Variants in MED13L observed in about 807,000 individuals in gnomAD.
MED13L encodes mediator of RNA polymerase II transcription subunit 13-like.
MED13L carries 7 observed loss-of-function variants against 220.9 expected under a neutral mutation model. The ratio of observed to expected loss-of-function variants is 0.03; its 90% CI spans 0.02 to 0.06. The LOEUF (loss-of-function observed/expected upper bound fraction) is 0.06. Ranked by LOEUF, MED13L falls within the 10% of genes least tolerant of loss-of-function variation. MED13L has a pLI of 1.00. For synonymous variants in MED13L, 1,011 were observed against 1,015.2 expected (o/e 1.00, Z 0.08); for missense variants, 1,965 against 2,760.5 (o/e 0.71, Z 6.46).
chr12:116,093,127 T>C (rs927194869), intron 4 of MED13L, among the ~76,000 whole-genome samples: 13 of 152,306 alleles, frequency 8.5e-5, no homozygotes, highest in Admixed American at 6.5e-4. Context: ...ACCTGCATGA[T>C]TGGAATAATT....
chr12:116,245,575 C>G (rs567398264), intron 1 of MED13L, among the ~76,000 whole-genome samples: 2 of 152,158 alleles, frequency 1.3e-5, no homozygotes, highest in East Asian at 3.9e-4. Context: ...AGAATATTCT[C>G]AACAAAATAA....
intron 2 of MED13L, among the ~76,000 whole-genome samples, chr12:116,137,377 T>C (rs1381609543): frequency 6.6e-6 from 1 of 152,196 alleles, no homozygotes; most frequent in Middle Eastern, 3.2e-3. Context: ...ATCTCCACTT[T>C]ACAGATATAG....
chr12:116,224,677 ATTGTT>A (rs1034804589), intron 2 of MED13L, among the ~76,000 whole-genome samples: 2 of 151,922 alleles, frequency 1.3e-5, no homozygotes, highest in East Asian at 1.9e-4. Context: ...TGTTGTTGTT[ATTGTT>A]TTGTTTTGTT....
At chr12:116,210,464 A>G (rs928862658) in intron 2 of MED13L, among the ~76,000 whole-genome samples, 1 of 150,832 alleles carries the variant, frequency 6.6e-6, no homozygotes, top group Non-Finnish European at 1.5e-5. Context: ...CGTGGAATAC[A>G]TATGGTATCT....
At chr12:116,075,660 G>A (rs11067901) in intron 4 of MED13L, among the ~76,000 whole-genome samples, 40 of 152,254 alleles carry the variant, frequency 2.6e-4, no homozygotes, top group African/African-American at 8.9e-4. Context: ...TTTCGATCCT[G>A]CCATTTCAAT....
At chr12:116,194,319 C>A (rs577171963) in intron 2 of MED13L, among the ~76,000 whole-genome samples, 1 of 152,108 alleles carries the variant, frequency 6.6e-6, no homozygotes, top group Admixed American at 6.5e-5. Context: ...ACTTGCACCA[C>A]CACGCCCAGC....
At chr12:116,149,451 A>C (rs1253931274) in intron 2 of MED13L, among the ~76,000 whole-genome samples, 1 of 152,236 alleles carries the variant, frequency 6.6e-6, no homozygotes, top group Non-Finnish European at 1.5e-5. Context: ...TCCATCTGTG[A>C]AACATGCTTC....
At chr12:116,179,517 T>C (rs1880348161) in intron 2 of MED13L, among the ~76,000 whole-genome samples, 1 of 151,816 alleles carries the variant, frequency 6.6e-6, no homozygotes, top group Non-Finnish European at 1.5e-5. Context: ...CTTGGGAGGC[T>C]GAGGCCGGAG....
chr12:116,108,839 T>C (rs1329342930), intron 3 of MED13L, among the ~76,000 whole-genome samples: 1 of 152,104 alleles, frequency 6.6e-6, no homozygotes, highest in Non-Finnish European at 1.5e-5. Flanking sequence ...ATGGTGAAAA[T>C]AATTACTGAC....
chr12:116,121,714 A>T (rs1428412963), intron 2 of MED13L, among the ~76,000 whole-genome samples: 2 of 152,198 alleles, frequency 1.3e-5, no homozygotes, highest in Non-Finnish European at 2.9e-5. Context: ...TTGCAGCAAC[A>T]GCTGAAATGA....
At chr12:115,976,404 G>A (rs899347806) in intron 23 of MED13L, among the ~76,000 whole-genome samples, 2 of 152,264 alleles carry the variant, frequency 1.3e-5, no homozygotes, top group South Asian at 4.1e-4. Flanking sequence ...GAATGTGAAA[G>A]AATACAAAGT....
chr12:116,064,536 G>T (rs1346548084), intron 4 of MED13L, among the ~76,000 whole-genome samples: 1 of 152,180 alleles, frequency 6.6e-6, no homozygotes, highest in Non-Finnish European at 1.5e-5. Flanking sequence ...CCAGATGCCT[G>T]GGGAAGAAAG....
chr12:115,990,900 T>C, intron 17 of MED13L, 120 bp downstream of exon 17: 2 of 1,048,200 alleles, frequency 1.9e-6, no homozygotes, highest in East Asian at 2.6e-5. Context: ...CTTTAGGTTC[T>C]TTTTTTTCCC....
chr12:116,008,201 T>C, intron 10 of MED13L, 200 bp downstream of exon 10: 1 of 657,440 alleles, frequency 1.5e-6, no homozygotes, highest in Non-Finnish European at 2.4e-6. Flanking sequence ...GTTCTTTATA[T>C]GCCCATGTGT....
intron 4 of MED13L, among the ~76,000 whole-genome samples, chr12:116,038,733 G>A (rs937432617): frequency 5.0e-5 from 5 of 100,880 alleles, no homozygotes; most frequent in Non-Finnish European, 1.9e-5. Context: ...TTACCTATGC[G>A]GTCAAAAGGC....
At chr12:116,190,772 T>C (rs1275228356) in intron 2 of MED13L, among the ~76,000 whole-genome samples, 1 of 152,168 alleles carries the variant, frequency 6.6e-6, no homozygotes, top group Admixed American at 6.5e-5. Flanking sequence ...GAGACTTTCC[T>C]ATCCTGGGAT....
At chr12:116,250,946 G>A (rs1484483841) in intron 1 of MED13L, among the ~76,000 whole-genome samples, 2 of 151,648 alleles carry the variant, frequency 1.3e-5, no homozygotes, top group African/African-American at 2.4e-5. Flanking sequence ...GAAAATGGGA[G>A]GTTTTTACAT....
Position 116,019,862 on chromosome 12 carries a change from C to A in MED13L, c.736G>T (p.Val246Leu). The A allele has an allele frequency of 6.2e-7, 1 of 1,613,908 alleles. No individual in the cohort carries two copies. The highest frequency in any genetic ancestry group is 8.5e-7 in the Non-Finnish European group (1 of 1,179,946). The change falls in exon 6 of 31, where the codon GTG becomes TTG. Residue 246 changes from valine to leucine, a missense_variant. Physicochemically the swap from Val to Leu is conservative, Grantham distance 32. This residue lies in a region of MED13L where 818 missense variants were observed against 1,041.2 expected (regional missense o/e 0.79). Coordinates refer to ENST00000281928, the MANE Select transcript of MED13L (RefSeq NM_015335.5). ...IEEWQYFYPM[V>L]LKKKEESKEE... is the part of the protein sequence containing the mutation. ...TTCGATTCTTCTTTCTTTTTTAGCACCATCGGGTAGAAATACTGCCATTCC... is the reference window on the plus strand; with the variant it reads ...TTCGATTCTTCTTTCTTTTTTAGCAACATCGGGTAGAAATACTGCCATTCC...
chr12:116,148,096 G>T (rs1877706522), intron 2 of MED13L, among the ~76,000 whole-genome samples: 1 of 134,224 alleles, frequency 7.5e-6, no homozygotes, highest in Admixed American at 7.3e-5. Flanking sequence ...GAGTGGAGGG[G>T]GGCGGGGGTT....
Sources: gnomAD v4.1 joint callset for allele counts (sites outside exome capture counted in the v4.1 genomes callset) on GRCh38, gnomAD v4.1.1 for gene constraint, gnomAD v4.1.1 regional missense constraint, MANE v1.5 for transcripts, NCBI Gene and HGNC (gene_info 2026-07-23, HGNC 2026-07-21) for gene names.